The following NAALADL1 variants were observed in gnomAD, a reference collection of about 807,000 sequenced individuals.
NAALADL1 encodes the protein aminopeptidase NAALADL1.
Under a neutral mutation model 82.8 loss-of-function variants are expected in NAALADL1, and 77 were observed. The ratio of observed to expected loss-of-function variants is 0.93; its 90% confidence interval spans 0.77 to 1.12. NAALADL1 has a LOEUF of 1.12. NAALADL1 is among the 50% of genes most tolerant of loss of function. NAALADL1 has a pLI of 0.00. For synonymous variants in NAALADL1, 358 were observed against 399.2 expected (o/e 0.90, Z 1.23); for missense variants, 956 against 964.0 (o/e 0.99, Z 0.11).
Position 65,046,058 on chromosome 11 carries a change from G to T in NAALADL1, c.1912C>A (p.Arg638Ser), listed in dbSNP as rs201911173. ...FEAEAAALGQ[R>S]ISTLQKGSPD... ...CTGCCCTTCTGCAGTGTTGATATGC[G>T]TTGGCCCAAGGCTGCAGCTTCTGCC... The change falls in exon 16 of 18, where the codon CGC becomes AGC. Residue 638 changes from arginine to serine, a missense_variant. Arg to Ser is a moderately radical substitution (Grantham distance 110). Transcript: ENST00000358658. 6.2e-7 allele frequency: 1 copy of T among 1,614,018 alleles called. No individual in the cohort carries two copies. Among genetic ancestry groups the T allele is most frequent in the Non-Finnish European group, 8.5e-7 (1 of 1,180,006 alleles).
chr11:65,048,142 A>C lies in NAALADL1; in HGVS notation c.1348+10T>G. 1 of 1,611,460 alleles carries C rather than the reference A, an allele frequency of 6.2e-7. No homozygotes were observed. Among genetic ancestry groups the C allele is most frequent in the East Asian group, 2.2e-5 (1 of 44,750 alleles). The stretch of plus-strand genomic sequence containing the variant: ...GTCTCCTCCCCTTTCCTGCCCCACC[A>C]CCCACATACCAAACACCGAGATGTC... On this transcript the variant is annotated intron_variant, in intron 10 of 17. Transcript: ENST00000358658.
At chr11:65,047,118 A>G (rs1468357025) in intron 13 of NAALADL1, among the ~76,000 whole-genome samples, 1 of 152,142 alleles carries the variant, frequency 6.6e-6, no homozygotes, top group East Asian at 1.9e-4. Flanking sequence ...TATAATCAGT[A>G]GTATCTTACA....
upstream of NAALADL1, among the ~76,000 whole-genome samples, chr11:65,060,974 G>A (rs1188902601): frequency 2.0e-5 from 3 of 151,944 alleles, no homozygotes; most frequent in African/African-American, 7.3e-5. Context: ...ACTTGCCTCC[G>A]TCCCACCCTC....
At chr11:65,047,180 T>C (rs1946752336) in intron 13 of NAALADL1, among the ~76,000 whole-genome samples, 1 of 152,166 alleles carries the variant, frequency 6.6e-6, no homozygotes, top group South Asian at 2.1e-4. Flanking sequence ...AAGGTTAAAC[T>C]TGGCAGAGGC....
At position 65,054,388 on chromosome 11, in the gene NAALADL1, G is replaced by GT. The variant is rs769897031; in HGVS notation, c.888-35dup. ...GAGGAAGAGGCCCTTCAGGGTAAAT[G>GT]TGAGTGTGGGGCTTGAAGTCTGGAG... On this transcript the variant is annotated intron_variant, in intron 5 of 17. Transcript: ENST00000358658. This position sits in a 1 kb window ranked among gnomAD's most constrained non-coding sequence, Gnocchi z 4.3. The GT allele has an allele frequency of 1.2e-5, 19 of 1,612,928 alleles. No homozygotes were observed. The Middle Eastern group carries it at 4.9e-4, about 42-fold the overall frequency.
At position 65,053,445 on chromosome 11, in the gene NAALADL1, G is replaced by A. The variant is rs754719132; in HGVS notation, c.1078+46C>T. Reference sequence around the variant, plus strand: ...GGCTGGATGAGGACAGCGGCATCCAGAGCAGAGCAGGGGCCTGGGGTGCAG... The same window carrying A: ...GGCTGGATGAGGACAGCGGCATCCAAAGCAGAGCAGGGGCCTGGGGTGCAG... On this transcript the variant is annotated intron_variant, in intron 7 of 17. Transcript: ENST00000358658. This position sits in a 1 kb window ranked among gnomAD's most constrained non-coding sequence, Gnocchi z 4.3. 3 of 1,612,908 alleles carry A rather than the reference G, an allele frequency of 1.9e-6. No homozygotes were observed. In the South Asian group the frequency reaches 3.3e-5, roughly 18 times the overall value.
upstream of NAALADL1, among the ~76,000 whole-genome samples, chr11:65,059,573 C>T (rs754823575): frequency 2.0e-5 from 3 of 152,192 alleles, no homozygotes; most frequent in Non-Finnish European, 4.4e-5. Context: ...GCCTCCCTGG[C>T]GAGGTGACTT....
chr11:65,058,216 G>A lies in NAALADL1; in HGVS notation c.220C>T (p.Pro74Ser). 6.2e-7 allele frequency: 1 copy of A among 1,613,712 alleles called. No individual in the cohort carries two copies. Among genetic ancestry groups the A allele is most frequent in the Non-Finnish European group, 8.5e-7 (1 of 1,179,808 alleles). The change falls in exon 2 of 18, where the codon CCT becomes TCT. Residue 74 changes from proline (P) to serine (S), a missense_variant. Physicochemically the swap from Pro to Ser is moderately conservative, Grantham distance 74 (BLOSUM62 -1). Coordinates refer to ENST00000358658, the MANE Select transcript of NAALADL1 (RefSeq NM_005468.3). ...LSREPHLASS[P>S]RDEDLVQLLL... ...AGCTGCACCAGGTCCTCATCCCGAG[G>A]GCTGGAGGCCAGGTGTGGCTCCCTG...
intron 8 of NAALADL1, 76 bp from the exon 9 acceptor site, chr11:65,048,461 G>A: frequency 6.6e-7 from 1 of 1,524,234 alleles, no homozygotes; most frequent in Non-Finnish European, 9.1e-7. Flanking sequence ...GGCTGCTGAC[G>A]TGAGGAGGGG....
At position 65,045,141 on chromosome 11, in the gene NAALADL1, T is replaced by C; in HGVS notation, c.*130A>G. On this transcript the variant is annotated 3_prime_UTR_variant, in exon 18 of 18. Coordinates refer to ENST00000358658, the MANE Select transcript of NAALADL1 (RefSeq NM_005468.3). The stretch of plus-strand genomic sequence containing the variant: ...GCCACTCCCCTCAGGGACCTCAAGC[T>C]GTTGCCTGAGAAGCTTGAGAGGGTC... The C allele has an allele frequency of 9.7e-7, 1 of 1,035,094 alleles. No homozygotes were observed. The highest frequency in any genetic ancestry group is 1.4e-6 in the Non-Finnish European group (1 of 722,244). 64.1% of individuals were successfully genotyped at this position (1,035,094 alleles called of 1,614,324 possible). A position where few individuals can be genotyped will look rare whatever the true frequency, so the allele number is the denominator to read the frequency against.
chr11:65,049,264 A>G (rs1479099449), intron 8 of NAALADL1, among the ~76,000 whole-genome samples: 1 of 152,058 alleles, frequency 6.6e-6, no homozygotes, highest in Non-Finnish European at 1.5e-5. Flanking sequence ...CAAGTGATCC[A>G]CCCACTTCAG....
Position 65,047,340 on chromosome 11 carries a change from T to TG in NAALADL1, c.1599+134_1599+135insC, listed in dbSNP as rs1491154502. On this transcript the variant is annotated intron_variant, in intron 13 of 17. Coordinates refer to ENST00000358658, the MANE Select transcript of NAALADL1 (RefSeq NM_005468.3). ...GTGTGTATTTCTGTGTGTGTGTGTGTTTTTTTTTAAGAAACTTGGCAGAGG... is the reference window on the plus strand; with the variant it reads ...GTGTGTATTTCTGTGTGTGTGTGTGTGTTTTTTTTAAGAAACTTGGCAGAGG... The TG allele has an allele frequency of 8.6e-4, 531 of 615,192 alleles. 4 individuals are homozygous for TG. Among genetic ancestry groups the TG allele is most frequent in the South Asian group, 3.2e-3 (140 of 43,282 alleles). 38.1% of individuals were successfully genotyped at this position (615,192 alleles called of 1,614,324 possible).
At position 65,044,821 on chromosome 11, in the gene NAALADL1, T is replaced by G; in HGVS notation, c.*450A>C. 1 of 1,350,806 alleles carries G rather than the reference T, an allele frequency of 7.4e-7. No individual in the cohort carries two copies. Among genetic ancestry groups the G allele is most frequent in the Non-Finnish European group, 9.9e-7 (1 of 1,007,340 alleles). 83.7% of individuals were successfully genotyped at this position (1,350,806 alleles called of 1,614,324 possible). ...TCCAGGTAATAAAAGGAACTTGTTT[T>G]GTTGGTACCAGTCACTAGATGTGAT... On this transcript the variant is annotated 3_prime_UTR_variant, in exon 18 of 18. Coordinates refer to ENST00000358658, the MANE Select transcript of NAALADL1 (RefSeq NM_005468.3). This position sits in a 1 kb window ranked among gnomAD's most constrained non-coding sequence, Gnocchi z 4.0.
Position 65,057,437 on chromosome 11 carries a change from A to G in NAALADL1, c.537T>C (p.Thr179=). ...GAEEDFKELQ[T]QGIKLEGTIA... is the part of the protein sequence containing the mutation. ...TGGTGCCTTCAAGTTTGATGCCCTGAGTCTGTAGCTCCTTAAAGTCTTCTT... is the reference window on the plus strand; with the variant it reads ...TGGTGCCTTCAAGTTTGATGCCCTGGGTCTGTAGCTCCTTAAAGTCTTCTT... Residue 179 remains threonine, a synonymous_variant, in exon 4 of 18, where the codon ACT becomes ACC. Coordinates refer to ENST00000358658, the MANE Select transcript of NAALADL1 (RefSeq NM_005468.3). 1 of 1,614,126 alleles carries G rather than the reference A, an allele frequency of 6.2e-7. No homozygotes were observed. Among genetic ancestry groups the G allele is most frequent in the Non-Finnish European group, 8.5e-7 (1 of 1,180,012 alleles).
At chr11:65,049,914 A>T (rs1946840137) in intron 8 of NAALADL1, among the ~76,000 whole-genome samples, 1 of 151,616 alleles carries the variant, frequency 6.6e-6, no homozygotes, top group Admixed American at 6.6e-5. Context: ...TCTCACTCTC[A>T]TCAACCAGGC....
At chr11:65,051,798 G>T (rs1378211271) in intron 8 of NAALADL1, among the ~76,000 whole-genome samples, 4 of 152,164 alleles carry the variant, frequency 2.6e-5, no homozygotes, top group Non-Finnish European at 5.9e-5. Context: ...AAGTTCTGGA[G>T]CCAATGGCAG....
intron 17 of NAALADL1, 123 bp downstream of exon 17, chr11:65,045,699 C>G (rs2136963480): frequency 1.9e-6 from 2 of 1,033,812 alleles, no homozygotes; most frequent in Non-Finnish European, 2.8e-6. Flanking sequence ...CCTTACATTC[C>G]CATCTTCTTC....
At chr11:65,060,815 GAAA>G (rs1361315595), upstream of NAALADL1, among the ~76,000 whole-genome samples, 2 of 152,138 alleles carry the variant, frequency 1.3e-5, no homozygotes, top group African/African-American at 4.8e-5. Context: ...GGAGTTCCTA[GAAA>G]TAACTTACGG....
chr11:65,057,735 G>GTCC, intron 3 of NAALADL1, 140 bp downstream of exon 3: 1 of 1,352,790 alleles, frequency 7.4e-7, no homozygotes, highest in South Asian at 1.3e-5. Flanking sequence ...GAAAGGAGCA[G>GTCC]CGATGGAGTG....
Sources: allele counts gnomAD v4.1 joint callset (sites outside exome capture counted in the v4.1 genomes callset), GRCh38; gene constraint gnomAD v4.1.1; non-coding constraint Gnocchi (gnomAD v3.1); transcripts MANE v1.5; gene names NCBI Gene and HGNC (gene_info 2026-07-23, HGNC 2026-07-21).